The following SPAG16 variants were observed in gnomAD, a reference collection of about 807,000 sequenced individuals.
The protein encoded by SPAG16 is sperm associated antigen 16, also known as sperm-associated antigen 16 protein.
A neutral mutation model predicts 80.4 loss-of-function variants in SPAG16; 86 were observed. That is an observed-to-expected ratio of 1.07 (90% confidence interval 0.90 to 1.28). The LOEUF (loss-of-function observed/expected upper bound fraction) is 1.28, where lower values mean the gene tolerates loss of function less well. SPAG16 is among the 50% of genes most tolerant of loss of function. The pLI, the probability that SPAG16 is intolerant of heterozygous loss-of-function variation, is 0.00. For synonymous variants in SPAG16, 294 were observed against 265.9 expected, an observed-to-expected ratio of 1.11 and a Z score of -1.03; for missense variants, 870 against 765.3, an observed-to-expected ratio of 1.14 and a Z score of -1.61.
chr2:214,340,371 A>G (rs979555100), intron 15 of SPAG16, among the ~76,000 whole-genome samples: 3 of 152,242 alleles, frequency 2.0e-5, no homozygotes, highest in Non-Finnish European at 4.4e-5. Flanking sequence ...AAGTTAACAC[A>G]GAATTCCTGG....
intron 14 of SPAG16, among the ~76,000 whole-genome samples, chr2:214,129,633 G>C (rs139629167): frequency 0.023 from 3,576 of 152,184 alleles, 96 homozygotes; most frequent in South Asian, 0.13. Context: ...CAGTATGTTT[G>C]AAGAAGACCT....
chr2:214,361,376 A>AAATT lies in SPAG16; in HGVS notation c.1721-48763_1721-48760dup, dbSNP rs578123437. ...AGAAATCTAGTTATCAAGTAAATGA[A>AAATT]AATTCTTAGGCTACATTCTACACAT... On this transcript the variant is annotated intron_variant, in intron 15 of 15. Coordinates refer to ENST00000331683, the MANE Select transcript of SPAG16 (RefSeq NM_024532.5). Among the ~76,000 whole-genome samples the AAATT allele has an allele frequency of 3.3e-3, 502 of 151,924 alleles. 6 individuals carry two copies. Among genetic ancestry groups the AAATT allele is most frequent in the Middle Eastern group, 6.8e-3 (2 of 294 alleles).
In SPAG16 at chr2:213,995,601, A is replaced by C. The variant is rs898999487; in HGVS notation, c.1401-18350A>C. Among the ~76,000 whole-genome samples the C allele has an allele frequency of 2.0e-5, 3 of 152,126 alleles. No individual in the cohort carries two copies. The South Asian group carries it at 6.2e-4, about 32-fold the overall frequency. On this transcript the variant is annotated intron_variant, in intron 12 of 15. Transcript: ENST00000331683. ...TATGTCTAGCTAGAAATTCTACCTT[A>C]GTCATTCTTAGGGCATCTCTTCCCT...
chr2:213,495,935 G>A (rs1381775426), intron 10 of SPAG16, among the ~76,000 whole-genome samples: 1 of 152,106 alleles, frequency 6.6e-6, no homozygotes, highest in African/African-American at 2.4e-5. Context: ...ATGTACTTGG[G>A]GATCAAAGAG....
At chr2:213,378,402 CAAT>C (rs376919143) in intron 9 of SPAG16, among the ~76,000 whole-genome samples, 89 of 152,246 alleles carry the variant, frequency 5.8e-4, no homozygotes, top group African/African-American at 2.0e-3. Flanking sequence ...CAAATAAAGA[CAAT>C]AATAAGGTCA....
intron 15 of SPAG16, among the ~76,000 whole-genome samples, chr2:214,307,918 C>T (rs1437167858): frequency 6.6e-6 from 1 of 152,142 alleles, no homozygotes; most frequent in Non-Finnish European, 1.5e-5. Flanking sequence ...TGATCCAGTG[C>T]TGAGTTCAGT....
intron 15 of SPAG16, among the ~76,000 whole-genome samples, chr2:214,348,841 T>C (rs1293037676): frequency 6.6e-6 from 1 of 152,226 alleles, no homozygotes; most frequent in Non-Finnish European, 1.5e-5. Flanking sequence ...GTAGTGGGTA[T>C]AAGCCTCTAA....
chr2:213,817,177 T>C (rs1320860598), intron 10 of SPAG16, among the ~76,000 whole-genome samples: 3 of 149,192 alleles, frequency 2.0e-5, no homozygotes, highest in South Asian at 4.2e-4. Flanking sequence ...TTTATTTATT[T>C]CTTGATATTT....
At chr2:214,341,958 G>T (rs1010360624) in intron 15 of SPAG16, among the ~76,000 whole-genome samples, 1 of 152,036 alleles carries the variant, frequency 6.6e-6, no homozygotes, top group African/African-American at 2.4e-5. Flanking sequence ...ACCGTTAACA[G>T]AAGACTACAA....
At chr2:214,325,689 A>G (rs970844792) in intron 15 of SPAG16, among the ~76,000 whole-genome samples, 8 of 150,048 alleles carry the variant, frequency 5.3e-5, no homozygotes, top group African/African-American at 2.0e-4. Context: ...AAGCTTCTTT[A>G]AATTATTTCC....
intron 11 of SPAG16, among the ~76,000 whole-genome samples, chr2:213,922,985 A>G (rs2078294028): frequency 6.6e-6 from 1 of 152,192 alleles, no homozygotes; most frequent in African/African-American, 2.4e-5. Context: ...GAGTTCAGGC[A>G]GAAGTGGGAC....
chr2:213,985,270 C>A (rs939336730), intron 12 of SPAG16, among the ~76,000 whole-genome samples: 4 of 151,934 alleles, frequency 2.6e-5, no homozygotes, highest in Non-Finnish European at 5.9e-5. Flanking sequence ...GGTAAAATTT[C>A]TTTTGTAATA....
chr2:213,289,263 G>A (rs2062176493), intron 1 of SPAG16, among the ~76,000 whole-genome samples: 1 of 152,196 alleles, frequency 6.6e-6, no homozygotes, highest in Non-Finnish European at 1.5e-5. Flanking sequence ...CACATGTGGA[G>A]TCCATATCTT....
At chr2:213,381,879 A>G (rs2125244318) in intron 9 of SPAG16, among the ~76,000 whole-genome samples, 1 of 152,296 alleles carries the variant, frequency 6.6e-6, no homozygotes, top group Non-Finnish European at 1.5e-5. Context: ...TTATGTTTTT[A>G]GGCAACATAG....
intron 11 of SPAG16, among the ~76,000 whole-genome samples, chr2:213,911,480 A>C (rs557942782): frequency 6.6e-6 from 1 of 152,316 alleles, no homozygotes; most frequent in Admixed American, 6.5e-5. Flanking sequence ...ATAGTTATGT[A>C]AAGTCTGAAA....
chr2:213,694,715 T>C (rs1278489449), intron 10 of SPAG16, among the ~76,000 whole-genome samples: 2 of 151,768 alleles, frequency 1.3e-5, no homozygotes, highest in Non-Finnish European at 2.9e-5. Context: ...CCTTCCTTCC[T>C]TCCTTCCTGC....
At chr2:213,463,565 TGTGGCCTCAGACA>T (rs2072504905) in intron 9 of SPAG16, among the ~76,000 whole-genome samples, 1 of 152,244 alleles carries the variant, frequency 6.6e-6, no homozygotes, top group Non-Finnish European at 1.5e-5. Context: ...CAGCTCAGGC[TGTGGCCTCAGACA>T]GTGCAAGCCC....
intron 14 of SPAG16, among the ~76,000 whole-genome samples, chr2:214,124,794 G>T (rs991816636): frequency 1.1e-4 from 16 of 151,738 alleles, no homozygotes; most frequent in Non-Finnish European, 1.5e-5. Context: ...ATACCAAGTG[G>T]CTCTGCAGGG....
At chr2:213,377,901 A>T (rs1197672937) in intron 9 of SPAG16, among the ~76,000 whole-genome samples, 3 of 24,846 alleles carry the variant, frequency 1.2e-4, no homozygotes, top group African/African-American at 1.4e-4. Context: ...ATATATATAT[A>T]TATTTTTTTT....
Sources: allele counts gnomAD v4.1 joint callset (sites outside exome capture counted in the v4.1 genomes callset), GRCh38; gene constraint gnomAD v4.1.1; transcripts MANE v1.5; gene names NCBI Gene and HGNC (gene_info 2026-07-23, HGNC 2026-07-21).